KIF1B: variants seen among roughly 807,000 people sequenced by gnomAD.
KIF1B encodes kinesin family member 1B, also known as kinesin-like protein KIF1B.
In KIF1B, 76 loss-of-function variants were observed where a neutral mutation model predicts 241.9. The observed-to-expected ratio is 0.31, with a 90% confidence interval of 0.26 to 0.38. KIF1B has a LOEUF of 0.38. Ranked by LOEUF, KIF1B falls within the 10% of genes least tolerant of loss-of-function variation. KIF1B has a pLI of 1.00. For synonymous variants in KIF1B, 750 were observed against 796.7 expected, an observed-to-expected ratio of 0.94 and a Z score of 0.99; for missense variants, 1,622 against 2,271.4, an observed-to-expected ratio of 0.71 and a Z score of 5.81.
At chr1:10,239,037 C>T (rs1481394272) in intron 2 of KIF1B, among the ~76,000 whole-genome samples, 1 of 152,120 alleles carries the variant, frequency 6.6e-6, no homozygotes, top group African/African-American at 2.4e-5. Flanking sequence ...TAGCTTCCCC[C>T]TCCCTGGCTG....
intron 16 of KIF1B, among the ~76,000 whole-genome samples, chr1:10,291,730 G>A (rs1284303725): frequency 2.6e-5 from 4 of 150,990 alleles, no homozygotes; most frequent in Non-Finnish European, 5.9e-5. Flanking sequence ...AAAAGGAATA[G>A]CCTCTTCTTT....
intron 22 of KIF1B, among the ~76,000 whole-genome samples, chr1:10,299,553 CATTG>C (rs1650437759): frequency 1.3e-5 from 2 of 152,150 alleles, no homozygotes; most frequent in Admixed American, 6.5e-5. Flanking sequence ...TGTGAATAAA[CATTG>C]AGAGAATACA....
intron 19 of KIF1B, among the ~76,000 whole-genome samples, chr1:10,296,166 A>G (rs1650252578): frequency 6.6e-6 from 1 of 152,224 alleles, no homozygotes; most frequent in Non-Finnish European, 1.5e-5. Context: ...GTTATTAACA[A>G]AACAACAATT....
chr1:10,261,818 C>T (rs933273978), intron 4 of KIF1B, 87 bp from the exon 5 acceptor site: 17 of 819,552 alleles, frequency 2.1e-5, no homozygotes, highest in Middle Eastern at 4.4e-4. Context: ...CAAGAAAGGA[C>T]GTCTGGCTAA....
intron 38 of KIF1B, among the ~76,000 whole-genome samples, chr1:10,357,282 A>G (rs1465122036): frequency 6.6e-6 from 1 of 152,218 alleles, no homozygotes; most frequent in South Asian, 2.1e-4. Flanking sequence ...GCTGCTGTTC[A>G]GAACATCTTG....
intron 2 of KIF1B, among the ~76,000 whole-genome samples, chr1:10,253,421 G>A (rs909083755): frequency 6.6e-6 from 1 of 152,110 alleles, no homozygotes; most frequent in African/African-American, 2.4e-5. Context: ...CATGAGGATG[G>A]CTTGAGCCCA....
At position 10,338,810 on chromosome 1, in the gene KIF1B, G is replaced by T. The variant is rs146678588; in HGVS notation, c.3423-959G>T. On this transcript the variant is annotated intron_variant, in intron 31 of 48. Coordinates refer to ENST00000676179, the MANE Select transcript of KIF1B (RefSeq NM_001365951.3). ...TGTGAATGAGTTCACCTGTCGTCAG[G>T]GAACCCCAGGAATGCTGCGGTGCCA... Among the ~76,000 whole-genome samples, 84 of 152,344 alleles carry T rather than the reference G, an allele frequency of 5.5e-4. 1 individual carries two copies. The highest frequency in any genetic ancestry group is 2.0e-3 in the African/African-American group (82 of 41,582).
chr1:10,269,529 A>C (rs1172158050), intron 7 of KIF1B, among the ~76,000 whole-genome samples: 1 of 147,206 alleles, frequency 6.8e-6, no homozygotes, highest in African/African-American at 2.5e-5. Context: ...AAAAAAAAAA[A>C]CACACTCCTA....
chr1:10,275,573 T>C, intron 11 of KIF1B, 70 bp downstream of exon 11: 1 of 918,284 alleles, frequency 1.1e-6, no homozygotes, highest in Non-Finnish European at 1.8e-6. Flanking sequence ...AATTGTCCTG[T>C]GTCTGTTTTG....
intron 44 of KIF1B, among the ~76,000 whole-genome samples, chr1:10,368,854 C>T (rs1638646097): frequency 6.6e-6 from 1 of 152,128 alleles, no homozygotes; most frequent in African/African-American, 2.4e-5. Context: ...TGCCAGGGTA[C>T]AAGGAAACCC....
Position 10,352,117 on chromosome 1 carries a change from A to G in KIF1B, c.3950-514A>G, listed in dbSNP as rs1321492018. ...AGGTGAGAGTGGAATGGATTGGAAC[A>G]GGGGAGGTGTGAATAGCAGGTCAGA... On this transcript the variant is annotated intron_variant, in intron 37 of 48. Transcript: ENST00000676179. Among the ~76,000 whole-genome samples the G allele has an allele frequency of 2.4e-3, 305 of 129,112 alleles. 4 individuals are homozygous for G. Among genetic ancestry groups the G allele is most frequent in the African/African-American group, 2.5e-3 (79 of 31,164 alleles). 84.7% of individuals were successfully genotyped at this position (129,112 alleles called of 152,430 possible).
At chr1:10,325,675 G>A (rs1651697812) in intron 26 of KIF1B, among the ~76,000 whole-genome samples, 1 of 152,172 alleles carries the variant, frequency 6.6e-6, no homozygotes, top group Non-Finnish European at 1.5e-5. Context: ...CAAAGCACAT[G>A]CTGCTTTGCC....
chr1:10,313,033 A>G lies in KIF1B; in HGVS notation c.2116-7010A>G, dbSNP rs140176955. ...CTTTCTCTTTAACATGAGGCTAACTATATAGTACCATCTTTATTTTTTTGT... is the reference window on the plus strand; with the variant it reads ...CTTTCTCTTTAACATGAGGCTAACTGTATAGTACCATCTTTATTTTTTTGT... On this transcript the variant is annotated intron_variant, in intron 22 of 48. Coordinates refer to ENST00000676179, the MANE Select transcript of KIF1B (RefSeq NM_001365951.3). 5.0e-3 allele frequency among the ~76,000 whole-genome samples: 756 copies of G among 151,496 alleles called. 48 individuals carry two copies. The highest frequency in any genetic ancestry group is 0.017 in the African/African-American group (700 of 40,888).
At chr1:10,312,154 A>C (rs1209907436) in intron 22 of KIF1B, among the ~76,000 whole-genome samples, 1 of 151,402 alleles carries the variant, frequency 6.6e-6, no homozygotes, top group Non-Finnish European at 1.5e-5. Context: ...TGACATCCAA[A>C]TCACTGGCAG....
At chr1:10,282,914 G>A (rs1649483700) in intron 15 of KIF1B, among the ~76,000 whole-genome samples, 1 of 151,336 alleles carries the variant, frequency 6.6e-6, no homozygotes, top group South Asian at 2.1e-4. Context: ...TGTTAATAAA[G>A]ATGAAGTTTG....
At position 10,297,180 on chromosome 1, in the gene KIF1B, G is replaced by T; in HGVS notation, c.2049G>T (p.Gln683His). The change falls in exon 22 of 49, where the codon CAG becomes CAT. Residue 683 changes from glutamine to histidine, a missense_variant. Coordinates refer to ENST00000676179, the MANE Select transcript of KIF1B (RefSeq NM_001365951.3). ...TTTTTTTTTTTACTTCTAGGCTACAGGAAATGGAGATCTTATACAAAAAGG... is the reference window on the plus strand; with the variant it reads ...TTTTTTTTTTTACTTCTAGGCTACATGAAATGGAGATCTTATACAAAAAGG... ...DMKQEMEKRL[Q>H]EMEILYKKEK... 1 of 1,611,460 alleles carries T rather than the reference G, an allele frequency of 6.2e-7. No individual in the cohort carries two copies. Among genetic ancestry groups the T allele is most frequent in the African/African-American group, 1.3e-5 (1 of 74,506 alleles).
chr1:10,354,888 G>C (rs567577529), intron 38 of KIF1B, among the ~76,000 whole-genome samples: 11 of 152,186 alleles, frequency 7.2e-5, no homozygotes, highest in Admixed American at 6.5e-5. Flanking sequence ...TTTGTCTAAG[G>C]TTTAATGTTT....
intron 38 of KIF1B, among the ~76,000 whole-genome samples, chr1:10,358,463 G>C (rs77763242): frequency 0.026 from 3,975 of 152,194 alleles, 194 homozygotes; most frequent in African/African-American, 0.09. Flanking sequence ...TCTAAGAAGA[G>C]GGGTTTATTT....
intron 44 of KIF1B, among the ~76,000 whole-genome samples, chr1:10,369,629 T>A (rs554879797): frequency 3.3e-5 from 5 of 151,816 alleles, no homozygotes; most frequent in African/African-American, 1.2e-4. Context: ...TTTTTTTGTC[T>A]CTTAATGATA....
Sources: gnomAD v4.1 joint callset for allele counts (sites outside exome capture counted in the v4.1 genomes callset) on GRCh38, gnomAD v4.1.1 for gene constraint, MANE v1.5 for transcripts, NCBI Gene and HGNC (gene_info 2026-07-23, HGNC 2026-07-21) for gene names.